CSRNP3: variants seen among roughly 807,000 people sequenced by gnomAD.
CSRNP3 encodes the protein cysteine and serine rich nuclear protein 3.
CSRNP3 carries 12 observed loss-of-function variants against 48.0 expected under a neutral mutation model. That is an observed-to-expected ratio of 0.25 (90% CI 0.16 to 0.41). The LOEUF (loss-of-function observed/expected upper bound fraction) is 0.41. CSRNP3 is among the 10% of genes least tolerant of loss of function. CSRNP3 has a pLI of 1.00. For synonymous variants in CSRNP3, 263 were observed against 269.7 expected, an observed-to-expected ratio of 0.98 and a Z score of 0.24; for missense variants, 580 against 724.4, an observed-to-expected ratio of 0.80 and a Z score of 2.29.
chr2:165,574,366 G>C, intron 3 of CSRNP3: 2 of 1,549,982 alleles, frequency 1.3e-6, no homozygotes, highest in Non-Finnish European at 1.7e-6. Flanking sequence ...TAAATGAAGT[G>C]TGCTTTATTT....
intron 3 of CSRNP3, among the ~76,000 whole-genome samples, chr2:165,556,302 A>G (rs1307821237): frequency 6.6e-6 from 1 of 152,204 alleles, no homozygotes; most frequent in East Asian, 1.9e-4. Flanking sequence ...GGCAATGACT[A>G]TAGGTTCACT....
At chr2:165,648,376 AG>A (rs1300183930) in intron 4 of CSRNP3, among the ~76,000 whole-genome samples, 16 of 152,190 alleles carry the variant, frequency 1.1e-4, no homozygotes, top group African/African-American at 3.9e-4. Flanking sequence ...GTTGATGGCT[AG>A]GGCATTCTGC....
At chr2:165,673,245 C>T (rs1423502922) in intron 5 of CSRNP3, among the ~76,000 whole-genome samples, 1 of 136,642 alleles carries the variant, frequency 7.3e-6, no homozygotes, top group Non-Finnish European at 1.5e-5. Flanking sequence ...TCAAGTGATT[C>T]TCGTGCCTCA....
intron 1 of CSRNP3, among the ~76,000 whole-genome samples, chr2:165,490,064 A>G (rs1684181930): frequency 6.6e-6 from 1 of 151,706 alleles, no homozygotes; most frequent in African/African-American, 2.4e-5. Context: ...GTCTCAGCCC[A>G]AAATCTCCTT....
At chr2:165,656,015 A>AC (rs113810426) in intron 4 of CSRNP3, among the ~76,000 whole-genome samples, 5,907 of 152,274 alleles carry the variant, frequency 0.039, 337 homozygotes, top group African/African-American at 0.12. Flanking sequence ...ACAAAATTCA[A>AC]CCCCTAATAG....
intron 4 of CSRNP3, among the ~76,000 whole-genome samples, chr2:165,654,682 T>C (rs181555863): frequency 2.8e-4 from 43 of 152,290 alleles, no homozygotes; most frequent in Admixed American, 1.1e-3. Context: ...CAGGCTGGAG[T>C]GCAGTGGTGT....
intron 5 of CSRNP3, among the ~76,000 whole-genome samples, chr2:165,670,907 A>G (rs1687317371): frequency 6.6e-6 from 1 of 152,200 alleles, no homozygotes; most frequent in Non-Finnish European, 1.5e-5. Flanking sequence ...TTGAAAAAAA[A>G]AGAAAAAGAA....
intron 3 of CSRNP3, among the ~76,000 whole-genome samples, chr2:165,547,437 C>T (rs548439927): frequency 1.3e-5 from 2 of 152,174 alleles, no homozygotes; most frequent in East Asian, 3.9e-4. Context: ...CTTGCCAATA[C>T]TGAATATTGT....
chr2:165,496,096 G>A (rs1014655337), intron 2 of CSRNP3, among the ~76,000 whole-genome samples: 2 of 151,768 alleles, frequency 1.3e-5, no homozygotes, highest in African/African-American at 2.4e-5. Context: ...ATTTTATTTG[G>A]TATTCATAAT....
At chr2:165,577,634 C>T (rs932576113) in intron 3 of CSRNP3, among the ~76,000 whole-genome samples, 3 of 151,594 alleles carry the variant, frequency 2.0e-5, no homozygotes, top group Non-Finnish European at 4.4e-5. Flanking sequence ...CAAAACTATT[C>T]CCAACTGTTC....
chr2:165,673,330 G>A (rs983030360), intron 5 of CSRNP3, among the ~76,000 whole-genome samples: 1 of 151,686 alleles, frequency 6.6e-6, no homozygotes, highest in African/African-American at 2.4e-5. Context: ...CAGAGATGTG[G>A]TTTTGCCATG....
chr2:165,642,107 C>CACACACACACACAA (rs1216147022), intron 4 of CSRNP3, among the ~76,000 whole-genome samples: 19 of 67,148 alleles, frequency 2.8e-4, no homozygotes, highest in Non-Finnish European at 4.1e-4. Context: ...CACACAAACA[C>CACACACACACACAA]ACACACACAC....
chr2:165,506,786 T>A (rs777203187), intron 2 of CSRNP3, among the ~76,000 whole-genome samples: 3 of 152,188 alleles, frequency 2.0e-5, no homozygotes, highest in Non-Finnish European at 2.9e-5. Flanking sequence ...GGAACCTGAC[T>A]GACAACCCTA....
intron 3 of CSRNP3, among the ~76,000 whole-genome samples, chr2:165,592,525 A>C (rs1249211059): frequency 6.6e-6 from 1 of 152,142 alleles, no homozygotes; most frequent in African/African-American, 2.4e-5. Flanking sequence ...CCCAAATCTC[A>C]TCTTGAATTG....
chr2:165,647,886 AAATGTATTTTG>A (rs1686839560), intron 4 of CSRNP3, among the ~76,000 whole-genome samples: 1 of 152,080 alleles, frequency 6.6e-6, no homozygotes, highest in African/African-American at 2.4e-5. Context: ...TAGGTGTATT[AAATGTATTTTG>A]ACTTAACAAT....
At chr2:165,642,436 A>AT (rs1220738638) in intron 4 of CSRNP3, among the ~76,000 whole-genome samples, 4 of 152,362 alleles carry the variant, frequency 2.6e-5, no homozygotes, top group African/African-American at 9.6e-5. Flanking sequence ...TTGCTTTCAC[A>AT]TACTATATGA....
chr2:165,590,793 C>G (rs1282691973), intron 3 of CSRNP3, among the ~76,000 whole-genome samples: 1 of 152,184 alleles, frequency 6.6e-6, no homozygotes, highest in Non-Finnish European at 1.5e-5. Context: ...GAGGCCTACC[C>G]AGCCATGTGG....
intron 5 of CSRNP3, among the ~76,000 whole-genome samples, chr2:165,666,052 GAGAGAGGAA>G (rs1687186563): frequency 1.4e-5 from 1 of 70,546 alleles, no homozygotes; most frequent in African/African-American, 3.8e-5. Flanking sequence ...AGGAAGGAAA[GAGAGAGGAA>G]GAAAGAAAGA....
At chr2:165,498,589 A>T (rs902465825) in intron 2 of CSRNP3, among the ~76,000 whole-genome samples, 2 of 152,116 alleles carry the variant, frequency 1.3e-5, no homozygotes, top group South Asian at 2.1e-4. Context: ...TTCCCAACAA[A>T]CTTCATTTAA....
Sources: gnomAD v4.1 joint callset for allele counts (sites outside exome capture counted in the v4.1 genomes callset) on GRCh38, gnomAD v4.1.1 for gene constraint, MANE v1.5 for transcripts, NCBI Gene and HGNC (gene_info 2026-07-23, HGNC 2026-07-21) for gene names.